SHE: variants seen among roughly 807,000 people sequenced by gnomAD.
SHE encodes Src homology 2 domain containing E.
A neutral mutation model predicts 49.8 loss-of-function variants in SHE; 11 were observed. The observed-to-expected ratio is 0.22, with a 90% CI of 0.14 to 0.37. The LOEUF is 0.37. SHE is among the 10% of genes least tolerant of loss of function. The pLI is 1.00. For synonymous variants in SHE, 310 were observed against 278.1 expected (o/e 1.11, Z -1.14); for missense variants, 624 against 655.5 (o/e 0.95, Z 0.52).
Position 154,481,182 on chromosome 1 carries a change from G to A in SHE, c.*2967C>T. The A allele has an allele frequency of 3.0e-6, 3 of 985,422 alleles. No individual in the cohort carries two copies. Among genetic ancestry groups the A allele is most frequent in the Non-Finnish European group, 3.6e-6 (3 of 829,926 alleles). 61.0% of individuals were successfully genotyped at this position (985,422 alleles called of 1,614,324 possible). A position where few individuals can be genotyped will look rare whatever the true frequency, so the allele number is the denominator to read the frequency against. ...AGGAAGCCATTAGGGACACCCTGCTGGGCCTAATTGTTTTTAGAACATATG... is the reference window on the plus strand; with the variant it reads ...AGGAAGCCATTAGGGACACCCTGCTAGGCCTAATTGTTTTTAGAACATATG... On this transcript the variant is annotated 3_prime_UTR_variant, in exon 6 of 6. Coordinates refer to ENST00000304760, the MANE Select transcript of SHE (RefSeq NM_001010846.3).
intron 2 of SHE, among the ~76,000 whole-genome samples, chr1:154,494,141 G>T (rs1031683508): frequency 2.0e-5 from 3 of 152,116 alleles, no homozygotes; most frequent in African/African-American, 7.2e-5. Flanking sequence ...CAGAAACAGG[G>T]CTGCCCGACA....
At chr1:154,486,160 C>T in intron 4 of SHE, 98 bp from the exon 5 acceptor site, 3 of 1,509,464 alleles carry the variant, frequency 2.0e-6, no homozygotes, top group Non-Finnish European at 2.7e-6. Flanking sequence ...AAATGAACTT[C>T]TGGCAGAGAC....
chr1:154,495,304 T>C (rs1557801742), intron 2 of SHE, among the ~76,000 whole-genome samples: 1 of 152,240 alleles, frequency 6.6e-6, no homozygotes, highest in Non-Finnish European at 1.5e-5. Context: ...ATATCTTAGC[T>C]AGAATATTTA....
intron 1 of SHE, chr1:154,470,391 T>C: frequency 7.8e-7 from 1 of 1,289,150 alleles, no homozygotes; most frequent in Non-Finnish European, 1.0e-6. Context: ...AATATGCAGT[T>C]ACTGGAGCAG....
In SHE at chr1:154,482,678, T is replaced by A; in HGVS notation, c.*1471A>T. 3.0e-6 allele frequency: 3 copies of A among 985,436 alleles called. No homozygotes were observed. Among genetic ancestry groups the A allele is most frequent in the Non-Finnish European group, 3.6e-6 (3 of 829,936 alleles). 61.0% of individuals were successfully genotyped at this position (985,436 alleles called of 1,614,324 possible). Reference sequence around the variant, plus strand: ...TCACCATAGTACTCTTCTCACAGTATGCCATTCCCATGGTTTTTTTCACAG... The same window carrying A: ...TCACCATAGTACTCTTCTCACAGTAAGCCATTCCCATGGTTTTTTTCACAG... On this transcript the variant is annotated 3_prime_UTR_variant, in exon 6 of 6. Transcript: ENST00000304760.
At chr1:154,477,475 G>A (rs1342605782), downstream of SHE, among the ~76,000 whole-genome samples, 1 of 152,056 alleles carries the variant, frequency 6.6e-6, no homozygotes, top group African/African-American at 2.4e-5. Flanking sequence ...CAAAGCCCTG[G>A]GATTACAGGC....
chr1:154,485,906 C>T, intron 5 of SHE, 37 bp downstream of exon 5: 1 of 1,600,810 alleles, frequency 6.2e-7, no homozygotes, highest in Non-Finnish European at 8.6e-7. Flanking sequence ...AGTGTTCCTT[C>T]CCCTTGGAGA....
intron 5 of SHE, 151 bp from the exon 6 acceptor site, chr1:154,484,486 T>C: frequency 1.6e-6 from 1 of 635,810 alleles, no homozygotes; most frequent in Admixed American, 3.0e-5. Flanking sequence ...CACACTCTAG[T>C]GGTACTCTCA....
intron 2 of SHE, among the ~76,000 whole-genome samples, chr1:154,496,177 A>T (rs1352097438): frequency 1.3e-5 from 2 of 152,224 alleles, no homozygotes; most frequent in African/African-American, 4.8e-5. Context: ...ACACTGATTG[A>T]GAAGGTGCTT....
At chr1:154,492,598 T>C (rs1692402314) in intron 2 of SHE, among the ~76,000 whole-genome samples, 1 of 152,202 alleles carries the variant, frequency 6.6e-6, no homozygotes, top group African/African-American at 2.4e-5. Flanking sequence ...GTTTTTCTTC[T>C]TCCTTGCTTA....
At chr1:154,494,260 C>G (rs1692455471) in intron 2 of SHE, among the ~76,000 whole-genome samples, 1 of 151,998 alleles carries the variant, frequency 6.6e-6, no homozygotes, top group Non-Finnish European at 1.5e-5. Context: ...ATTCAGAAAC[C>G]CTGAAATTTA....
At chr1:154,470,595 T>G (rs1451638821) in intron 1 of SHE, among the ~76,000 whole-genome samples, 1 of 152,140 alleles carries the variant, frequency 6.6e-6, no homozygotes, top group East Asian at 1.9e-4. Context: ...ATCCTAGCAC[T>G]TTGGGAGGCT....
At position 154,489,088 on chromosome 1, in the gene SHE, C is replaced by G. The variant is rs760209595; in HGVS notation, c.987G>C (p.Trp329Cys). 1.2e-6 allele frequency: 2 copies of G among 1,608,004 alleles called. No individual in the cohort carries two copies. The highest frequency in any genetic ancestry group is 8.5e-7 in the Non-Finnish European group (1 of 1,176,130). The change falls in exon 3 of 6, where the codon TGG becomes TGC. Residue 329 changes from tryptophan (W) to cysteine (C), a missense_variant. Transcript: ENST00000304760. Reference sequence around the variant, plus strand: ...GCACGATCTGCTCCTTCTTCCACTCCCATGGCTGCTCGTACTCTGCCGCGG... The same window carrying G: ...GCACGATCTGCTCCTTCTTCCACTCGCATGGCTGCTCGTACTCTGCCGCGG... ...ERPAAEYEQP[W>C]EWKKEQIVRA...
downstream of SHE, among the ~76,000 whole-genome samples, chr1:154,478,939 T>C (rs916345088): frequency 1.3e-5 from 2 of 152,254 alleles, no homozygotes; most frequent in Admixed American, 6.5e-5. Context: ...GGAAAACTTT[T>C]TGATAGCAGA....
intron 5 of SHE, 46 bp downstream of exon 5, chr1:154,485,897 G>C (rs1557797223): frequency 1.3e-6 from 2 of 1,596,546 alleles, no homozygotes; most frequent in Admixed American, 3.3e-5. Context: ...CTGTCACACA[G>C]TGTTCCTTCC....
At chr1:154,498,976 A>C in intron 2 of SHE, 136 bp downstream of exon 2, 3 of 1,132,940 alleles carry the variant, frequency 2.6e-6, no homozygotes, top group Non-Finnish European at 3.7e-6. Context: ...TTTGGGGTCT[A>C]ATTTCTGTTT....
intron 1 of SHE, 129 bp from the exon 2 acceptor site, chr1:154,499,367 G>T: frequency 2.9e-6 from 3 of 1,025,540 alleles, no homozygotes; most frequent in Non-Finnish European, 4.1e-6. Context: ...GTTCCAGATA[G>T]CTTTTGCACT....
chr1:154,470,383 T>C (rs1462176921), intron 1 of SHE: 3 of 1,289,184 alleles, frequency 2.3e-6, no homozygotes, highest in East Asian at 1.1e-4. Context: ...TGGCAAGGAA[T>C]ATGCAGTTAC....
rs866347033 is a variant in SHE at position 154,501,668 on chromosome 1, C to A, written c.359G>T (p.Arg120Leu). Residue 120 changes from arginine to leucine, a missense_variant, in exon 1 of 6, where the codon CGC becomes CTC. Arg to Leu is a moderately radical substitution (Grantham distance 102). Transcript: ENST00000304760. The stretch of plus-strand genomic sequence containing the variant: ...CTCCTCCGTGGCCCGGGAGTTTTTG[C>A]GGCCCTTGCCCGCGGCGGCCTGAAT... Reference protein sequence around the residue: ...GLIQAAAGKGRKNSRATEEEP... With the variant: ...GLIQAAAGKGLKNSRATEEEP... The A allele has an allele frequency of 1.2e-6, 2 of 1,613,714 alleles. No homozygotes were observed. Among genetic ancestry groups the A allele is most frequent in the Non-Finnish European group, 1.7e-6 (2 of 1,179,898 alleles).
Sources: gnomAD v4.1 joint callset for allele counts (sites outside exome capture counted in the v4.1 genomes callset) on GRCh38, gnomAD v4.1.1 for gene constraint, MANE v1.5 for transcripts, NCBI Gene and HGNC (gene_info 2026-07-23, HGNC 2026-07-21) for gene names.